SV2C: variants seen among roughly 807,000 people sequenced by gnomAD.
SV2C encodes the protein solute carrier family 22 member B3.
SV2C carries 49 observed loss-of-function variants against 79.7 expected under a neutral mutation model. The observed-to-expected ratio is 0.61, with a 90% CI of 0.49 to 0.78. The LOEUF (loss-of-function observed/expected upper bound fraction) is 0.78, where lower values mean the gene tolerates loss of function less well. Among genes scored for constraint, SV2C ranks in the 30% least tolerant of loss-of-function variants. The probability of loss-of-function intolerance (pLI) is 0.00; values close to 1 mark genes in which losing one functional copy is unlikely to be tolerated. For missense variants in SV2C, 833 were observed against 912.9 expected, an observed-to-expected ratio of 0.91 and a Z score of 1.13; for synonymous variants, 334 against 333.2, an observed-to-expected ratio of 1.00 and a Z score of -0.03.
At chr5:76,175,724 T>A (rs1188232495) in intron 2 of SV2C, among the ~76,000 whole-genome samples, 1 of 152,228 alleles carries the variant, frequency 6.6e-6, no homozygotes, top group African/African-American at 2.4e-5. Context: ...TACAATTTAT[T>A]TCCAACAGCT....
At chr5:75,859,964 C>T in the SV2C span, among the ~76,000 whole-genome samples, 32 of 152,196 alleles carry the variant, frequency 2.1e-4, 1 homozygote, top group East Asian at 7.7e-4. Context: ...TAGGTGGAGC[C>T]GAAGAGCTCT....
At chr5:76,344,038 A>G (rs1186307399) in intron 12 of SV2C, among the ~76,000 whole-genome samples, 2 of 151,988 alleles carry the variant, frequency 1.3e-5, no homozygotes, top group African/African-American at 4.8e-5. Flanking sequence ...CCGCAACAAC[A>G]AACATTGCCT....
chr5:76,009,490 G>A, the SV2C span, among the ~76,000 whole-genome samples: 1 of 152,190 alleles, frequency 6.6e-6, no homozygotes, highest in African/African-American at 2.4e-5. Flanking sequence ...ATTTGCAATA[G>A]CAAAGACATG....
At chr5:75,904,486 C>T in the SV2C span, among the ~76,000 whole-genome samples, 1 of 152,066 alleles carries the variant, frequency 6.6e-6, no homozygotes, top group South Asian at 2.1e-4. Flanking sequence ...TGACTTCTCA[C>T]CCTCTTGGTG....
chr5:76,240,657 C>T (rs1366609179), intron 4 of SV2C, among the ~76,000 whole-genome samples: 1 of 152,180 alleles, frequency 6.6e-6, no homozygotes, highest in Admixed American at 6.5e-5. Context: ...TGCTTTTCCT[C>T]CTTTCCTCTC....
the SV2C span, among the ~76,000 whole-genome samples, chr5:75,887,640 A>G: frequency 6.6e-6 from 1 of 152,124 alleles, no homozygotes; most frequent in Non-Finnish European, 1.5e-5. Flanking sequence ...TCAAATTGAT[A>G]TATCATTAAT....
At chr5:76,122,789 C>T (rs1748562202) in intron 1 of SV2C, among the ~76,000 whole-genome samples, 1 of 151,940 alleles carries the variant, frequency 6.6e-6, no homozygotes, top group Non-Finnish European at 1.5e-5. Context: ...CCAAAATTGA[C>T]ACCCTAACAT....
At chr5:76,234,659 T>G (rs978257454) in intron 4 of SV2C, among the ~76,000 whole-genome samples, 67 of 152,248 alleles carry the variant, frequency 4.4e-4, no homozygotes, top group Non-Finnish European at 1.5e-4. Context: ...ACAAGCATTC[T>G]GGCCCTTTGC....
intron 1 of SV2C, among the ~76,000 whole-genome samples, chr5:76,103,238 C>A (rs547164604): frequency 6.6e-6 from 1 of 152,196 alleles, no homozygotes; most frequent in South Asian, 2.1e-4. Context: ...CACTGAAATG[C>A]AAAGCAGGGA....
chr5:76,300,253 A>C (rs1358922831), intron 10 of SV2C, among the ~76,000 whole-genome samples: 1 of 151,310 alleles, frequency 6.6e-6, no homozygotes, highest in East Asian at 1.9e-4. Flanking sequence ...GGCTCAAGCA[A>C]TCCTCCTGCC....
chr5:76,144,134 T>C (rs1749347243), intron 2 of SV2C, among the ~76,000 whole-genome samples: 1 of 152,218 alleles, frequency 6.6e-6, no homozygotes, highest in East Asian at 1.9e-4. Context: ...ATAAATTTTA[T>C]GTTCTGTGTG....
chr5:75,884,763 A>G, the SV2C span, among the ~76,000 whole-genome samples: 1 of 152,126 alleles, frequency 6.6e-6, no homozygotes, highest in Non-Finnish European at 1.5e-5. Flanking sequence ...ACTGTACCCC[A>G]TAAGTATGTA....
chr5:76,009,471 C>T, the SV2C span, among the ~76,000 whole-genome samples: 5 of 152,156 alleles, frequency 3.3e-5, no homozygotes, highest in African/African-American at 7.2e-5. Flanking sequence ...GCATGTTCAT[C>T]GCAGCACTAT....
At chr5:76,338,649 TTTTC>T (rs1265607045), downstream of SV2C, among the ~76,000 whole-genome samples, 22 of 129,606 alleles carry the variant, frequency 1.7e-4, no homozygotes, top group Admixed American at 9.5e-4. Flanking sequence ...TTCTTTTTCT[TTTTC>T]TTTTTCTTTT....
chr5:75,899,368 G>C, the SV2C span, among the ~76,000 whole-genome samples: 3 of 152,156 alleles, frequency 2.0e-5, no homozygotes, highest in Non-Finnish European at 4.4e-5. Flanking sequence ...TTTCCATGTA[G>C]TTGAGTGGTT....
chr5:76,342,129 G>A (rs1336607212), intron 12 of SV2C, among the ~76,000 whole-genome samples: 2 of 152,152 alleles, frequency 1.3e-5, no homozygotes, highest in Non-Finnish European at 2.9e-5. Flanking sequence ...AGAGGAGGAA[G>A]GAGAGAAGGA....
chr5:76,176,313 A>T (rs1743527364), intron 2 of SV2C, among the ~76,000 whole-genome samples: 1 of 152,202 alleles, frequency 6.6e-6, no homozygotes, highest in South Asian at 2.1e-4. Flanking sequence ...TTCTAAGAAG[A>T]GCTGCGGTTT....
the SV2C span, among the ~76,000 whole-genome samples, chr5:75,905,872 G>A: frequency 6.6e-6 from 1 of 150,834 alleles, no homozygotes; most frequent in East Asian, 1.9e-4. Flanking sequence ...TGGAACCTCA[G>A]AATGTGACCT....
the SV2C span, among the ~76,000 whole-genome samples, chr5:75,854,258 T>C: frequency 6.6e-6 from 1 of 152,202 alleles, no homozygotes; most frequent in East Asian, 1.9e-4. Context: ...ATACCACTTA[T>C]TTATATCAAT....
Sources: gnomAD v4.1 joint callset for allele counts (sites outside exome capture counted in the v4.1 genomes callset) on GRCh38, gnomAD v4.1.1 for gene constraint, MANE v1.5 for transcripts, NCBI Gene and HGNC (gene_info 2026-07-23, HGNC 2026-07-21) for gene names.